DPYSL5: variants seen among roughly 807,000 people sequenced by gnomAD.
The protein encoded by DPYSL5 is dihydropyrimidinase like 5, also known as dihydropyrimidinase-related protein 5.
A neutral mutation model predicts 58.4 loss-of-function variants in DPYSL5; 9 were observed. That is an observed-to-expected ratio of 0.15 (90% CI 0.09 to 0.27). The LOEUF (loss-of-function observed/expected upper bound fraction) is 0.27, where lower values mean the gene tolerates loss of function less well. DPYSL5 is among the 10% of genes least tolerant of loss of function. The probability of loss-of-function intolerance (pLI) is 1.00; values close to 1 mark genes in which losing one functional copy is unlikely to be tolerated. For missense variants in DPYSL5, 499 were observed against 770.6 expected, an observed-to-expected ratio of 0.65 and a Z score of 4.17; for synonymous variants, 293 against 301.9, an observed-to-expected ratio of 0.97 and a Z score of 0.31.
intron 1 of DPYSL5, among the ~76,000 whole-genome samples, chr2:26,850,979 CACAT>C (rs201453420): frequency 6.9e-6 from 1 of 144,116 alleles, no homozygotes; most frequent in Non-Finnish European, 1.5e-5. Flanking sequence ...TGTATATACA[CACAT>C]ATATATATAC....
chr2:26,926,459 A>G (rs938135850), intron 3 of DPYSL5, among the ~76,000 whole-genome samples: 2 of 152,210 alleles, frequency 1.3e-5, no homozygotes, highest in South Asian at 2.1e-4. Flanking sequence ...GGTGACTTTC[A>G]TGCATCAGGA....
Position 26,877,634 on chromosome 2 carries a change from T to C in DPYSL5, c.-4-20862T>C, listed in dbSNP as rs1438374980. 6.6e-6 allele frequency among the ~76,000 whole-genome samples: 1 copy of C among 152,244 alleles called. No homozygotes were observed. Among genetic ancestry groups the C allele is most frequent in the South Asian group, 2.1e-4 (1 of 4,830 alleles). ...TAAGACACTGTCACACAATATCTTTTAACTCATCTGTATTTGTATAACAAT... is the reference window on the plus strand; with the variant it reads ...TAAGACACTGTCACACAATATCTTTCAACTCATCTGTATTTGTATAACAAT... On this transcript the variant is annotated intron_variant, in intron 1 of 12. Coordinates refer to ENST00000288699, the MANE Select transcript of DPYSL5 (RefSeq NM_020134.4). This position sits in a 1 kb window ranked among gnomAD's most constrained non-coding sequence, Gnocchi z 4.1.
At chr2:26,932,193 AAG>A (rs1205086272) in intron 6 of DPYSL5, among the ~76,000 whole-genome samples, 1 of 72,674 alleles carries the variant, frequency 1.4e-5, no homozygotes, top group African/African-American at 4.8e-5. Flanking sequence ...GAAAGAAAGA[AAG>A]AAAGAAAGAA....
rs2148098675 is a variant in DPYSL5, at chr2:26,849,867, C to A, written c.-5+1613C>A. Among the ~76,000 whole-genome samples the A allele has an allele frequency of 6.6e-6, 1 of 152,324 alleles. No individual in the cohort carries two copies. Among genetic ancestry groups the A allele is most frequent in the East Asian group, 1.9e-4 (1 of 5,154 alleles). On this transcript the variant is annotated intron_variant, in intron 1 of 12. Coordinates refer to ENST00000288699, the MANE Select transcript of DPYSL5 (RefSeq NM_020134.4). This position sits in a 1 kb window ranked among gnomAD's most constrained non-coding sequence, Gnocchi z 6.2. ...CCTGGGGGCCTGCAGACAGCCACCC[C>A]CCCACTCCGGCTCGGGTGCCTTCTG...
rs143363168 is a variant in DPYSL5 at position 26,945,866 on chromosome 2, A to G, written c.1609+1042A>G. On this transcript the variant is annotated intron_variant, in intron 12 of 12. Coordinates refer to ENST00000288699, the MANE Select transcript of DPYSL5 (RefSeq NM_020134.4). ...AGAGGGCTAAACCAGAGGGATGCCAATGGGTCAGCGCCTGCCTGCCCAGGC... is the reference window on the plus strand; with the variant it reads ...AGAGGGCTAAACCAGAGGGATGCCAGTGGGTCAGCGCCTGCCTGCCCAGGC... Among the ~76,000 whole-genome samples the G allele has an allele frequency of 1.6e-3, 238 of 152,324 alleles. 1 individual carries two copies. The highest frequency in any genetic ancestry group is 5.3e-3 in the African/African-American group (222 of 41,582).
chr2:26,865,504 A>T (rs1287896088), intron 1 of DPYSL5, among the ~76,000 whole-genome samples: 1 of 151,872 alleles, frequency 6.6e-6, no homozygotes, highest in Non-Finnish European at 1.5e-5. Context: ...GTGTAGAGAC[A>T]GGGTTTCACC....
intron 1 of DPYSL5, among the ~76,000 whole-genome samples, chr2:26,852,471 A>G (rs1665779388): frequency 6.6e-6 from 1 of 152,186 alleles, no homozygotes; most frequent in South Asian, 2.1e-4. Context: ...ATGGTGTATG[A>G]TTTGTTCTAC....
chr2:26,880,444 C>A (rs997491201), intron 1 of DPYSL5, among the ~76,000 whole-genome samples: 2 of 152,222 alleles, frequency 1.3e-5, no homozygotes, highest in Non-Finnish European at 2.9e-5. Flanking sequence ...ACACTTGGAT[C>A]CTGCTCCCGC....
At chr2:26,873,421 G>A (rs774255770) in intron 1 of DPYSL5, among the ~76,000 whole-genome samples, 4 of 152,080 alleles carry the variant, frequency 2.6e-5, no homozygotes, top group Non-Finnish European at 5.9e-5. Flanking sequence ...TGCCTCTCAG[G>A]CGACATATAG....
chr2:26,932,112 GA>G lies in DPYSL5; in HGVS notation c.714+434del, dbSNP rs1446515970. Among the ~76,000 whole-genome samples the G allele has an allele frequency of 1.4e-3, 117 of 81,536 alleles. 2 individuals are homozygous for G. The highest frequency in any genetic ancestry group is 8.5e-3 in the Middle Eastern group (1 of 118). 53.5% of individuals were successfully genotyped at this position (81,536 alleles called of 152,430 possible). The stretch of plus-strand genomic sequence containing the variant: ...AAAAAAGAAAGAGAAAGAAAGAAAA[GA>G]AAAAAGAAAGAGAAAGAAAGAAAGA... On this transcript the variant is annotated intron_variant, in intron 6 of 12. Coordinates refer to ENST00000288699, the MANE Select transcript of DPYSL5 (RefSeq NM_020134.4).
intron 5 of DPYSL5, 152 bp from the exon 6 acceptor site, chr2:26,931,488 G>A: frequency 2.7e-6 from 2 of 744,410 alleles, no homozygotes; most frequent in South Asian, 3.7e-5. Flanking sequence ...CTCACTGTGA[G>A]CCAAGGTAGT....
Position 26,936,506 on chromosome 2 carries a change from C to T in DPYSL5, c.947+1772C>T, listed in dbSNP as rs562746430. Among the ~76,000 whole-genome samples the T allele has an allele frequency of 4.4e-3, 672 of 152,302 alleles. 3 individuals carry two copies. Among genetic ancestry groups the T allele is most frequent in the Non-Finnish European group, 5.1e-3 (347 of 68,016 alleles). ...CCTCTGTGGAGGGCAGTACGCACCA[C>T]GGCATGGGGATGGTCATTGTATTCT... is the stretch of plus-strand genomic sequence containing the variant. On this transcript the variant is annotated intron_variant, in intron 8 of 12. Coordinates refer to ENST00000288699, the MANE Select transcript of DPYSL5 (RefSeq NM_020134.4).
chr2:26,942,656 A>G lies in DPYSL5; in HGVS notation c.1346A>G (p.Asn449Ser). Residue 449 changes from asparagine to serine, a missense_variant, in exon 11 of 13, where the codon AAC (asparagine) becomes AGC (serine). Asn to Ser is a conservative substitution (Grantham distance 46, BLOSUM62 1). Transcript: ENST00000288699. This position sits in a 1 kb window ranked among gnomAD's most constrained non-coding sequence, Gnocchi z 5.9. ...AGCCGGGGGCGCGTCGTGTATGAGAACGGCGTCTTCATGTGCGCCGAGGGC... is the reference window on the plus strand; with the variant it reads ...AGCCGGGGGCGCGTCGTGTATGAGAGCGGCGTCTTCATGTGCGCCGAGGGC... ...TISRGRVVYE[N>S]GVFMCAEGTG... 6.2e-7 allele frequency: 1 copy of G among 1,614,076 alleles called. No individual in the cohort carries two copies. The highest frequency in any genetic ancestry group is 8.5e-7 in the Non-Finnish European group (1 of 1,180,002).
intron 1 of DPYSL5, among the ~76,000 whole-genome samples, chr2:26,859,312 C>T (rs1440672433): frequency 6.6e-6 from 1 of 151,348 alleles, no homozygotes; most frequent in Non-Finnish European, 1.5e-5. Context: ...ATATCATTTT[C>T]ATACCTAGCT....
At chr2:26,907,704 C>T (rs776688563) in intron 2 of DPYSL5, among the ~76,000 whole-genome samples, 2 of 152,194 alleles carry the variant, frequency 1.3e-5, no homozygotes, top group African/African-American at 4.8e-5. Context: ...TCCTTCAAGG[C>T]GAACAGCCTC....
chr2:26,932,145 A>AAG lies in DPYSL5; in HGVS notation c.714+463_714+464dup, dbSNP rs1183701760. Among the ~76,000 whole-genome samples, 110 of 50,112 alleles carry AAG rather than the reference A, an allele frequency of 2.2e-3. 1 individual carries two copies. The highest frequency in any genetic ancestry group is 7.1e-3 in the African/African-American group (96 of 13,446). 32.9% of individuals were successfully genotyped at this position (50,112 alleles called of 152,430 possible). A position where few individuals can be genotyped will look rare whatever the true frequency, so the allele number is the denominator to read the frequency against. ...AAAGAGAAAGAAAGAAAGAGAAAGA[A>AAG]AGAAAGAAAGAAAGAAAGAAAGAAA... is the stretch of plus-strand genomic sequence containing the variant. On this transcript the variant is annotated intron_variant, in intron 6 of 12. Transcript: ENST00000288699.
chr2:26,870,427 C>T (rs1227042740), intron 1 of DPYSL5, among the ~76,000 whole-genome samples: 1 of 152,166 alleles, frequency 6.6e-6, no homozygotes, highest in Admixed American at 6.5e-5. Flanking sequence ...ACTGTATTAT[C>T]CTTTTGGTAC....
At position 26,874,690 on chromosome 2, in the gene DPYSL5, T is replaced by TGTCCC. The variant is rs1478903072; in HGVS notation, c.-4-23805_-4-23801dup. ...CTGACTTCATGTGGCATTTTCCAGG[T>TGTCCC]GTCCCAGGAGGCCCAGCCTTTGCAG... On this transcript the variant is annotated intron_variant, in intron 1 of 12. Coordinates refer to ENST00000288699, the MANE Select transcript of DPYSL5 (RefSeq NM_020134.4). Among the ~76,000 whole-genome samples the TGTCCC allele has an allele frequency of 1.7e-4, 26 of 152,382 alleles. 1 individual carries two copies. Among genetic ancestry groups the TGTCCC allele is most frequent in the Middle Eastern group, 3.4e-3 (1 of 294 alleles).
At chr2:26,910,853 T>C (rs1410200867) in intron 2 of DPYSL5, among the ~76,000 whole-genome samples, 1 of 151,962 alleles carries the variant, frequency 6.6e-6, no homozygotes, top group Non-Finnish European at 1.5e-5. Flanking sequence ...TTTTCTTAAG[T>C]GTTTTTTGAA....
Sources: allele counts gnomAD v4.1 joint callset (sites outside exome capture counted in the v4.1 genomes callset), GRCh38; gene constraint gnomAD v4.1.1; non-coding constraint Gnocchi (gnomAD v3.1); transcripts MANE v1.5; gene names NCBI Gene and HGNC (gene_info 2026-07-23, HGNC 2026-07-21).